The following GABBR2 variants were observed in gnomAD, a reference collection of about 807,000 sequenced individuals.
GABBR2 encodes gamma-aminobutyric acid type B receptor subunit 2, also known as G-protein coupled receptor 51.
Under a neutral mutation model 105.6 loss-of-function variants are expected in GABBR2, and 23 were observed. That is an observed-to-expected ratio of 0.22 (90% confidence interval 0.16 to 0.31). The LOEUF (loss-of-function observed/expected upper bound fraction) is 0.31. Among genes scored for constraint, GABBR2 ranks in the 10% least tolerant of loss-of-function variants. The probability of loss-of-function intolerance (pLI) is 1.00; values close to 1 mark genes in which losing one functional copy is unlikely to be tolerated. For synonymous variants in GABBR2, 478 were observed against 499.7 expected, an observed-to-expected ratio of 0.96 and a Z score of 0.58; for missense variants, 734 against 1,245.5, an observed-to-expected ratio of 0.59 and a Z score of 6.18.
chr9:98,707,300 C>T (rs1300581998), intron 1 of GABBR2: 2 of 152,400 alleles, frequency 1.3e-5, no homozygotes, highest in Non-Finnish European at 2.9e-5. Flanking sequence ...AAGCCCAGCG[C>T]CTCGGCCCCG....
intron 18 of GABBR2, among the ~76,000 whole-genome samples, chr9:98,293,336 A>G (rs142369427): frequency 2.8e-4 from 42 of 152,262 alleles, no homozygotes; most frequent in African/African-American, 8.9e-4. Context: ...TTGCTTTTTA[A>G]TTAAGCTATC....
chr9:98,447,531 GTA>G (rs1187487204), intron 7 of GABBR2, among the ~76,000 whole-genome samples: 1 of 89,362 alleles, frequency 1.1e-5, no homozygotes, highest in African/African-American at 3.8e-5. Context: ...TATGTAACTA[GTA>G]TGTATGTGTG....
intron 7 of GABBR2, among the ~76,000 whole-genome samples, chr9:98,445,996 A>G (rs1013355702): frequency 6.6e-6 from 1 of 152,190 alleles, no homozygotes; most frequent in African/African-American, 2.4e-5. Context: ...TGCCTTCCAC[A>G]TTAAGGTAAC....
At chr9:98,344,762 A>C (rs1831275856) in intron 13 of GABBR2, among the ~76,000 whole-genome samples, 2 of 151,814 alleles carry the variant, frequency 1.3e-5, no homozygotes, top group Non-Finnish European at 2.9e-5. Flanking sequence ...GGACTTCTTC[A>C]CTTCTCACTG....
intron 3 of GABBR2, among the ~76,000 whole-genome samples, chr9:98,519,540 G>T (rs1272274686): frequency 6.6e-6 from 1 of 152,248 alleles, no homozygotes; most frequent in Non-Finnish European, 1.5e-5. Context: ...GGGCATGGGT[G>T]TAAACCCAAA....
Position 98,289,315 on chromosome 9 carries a change from A to T in GABBR2, c.*1269T>A, listed in dbSNP as rs559561006. On this transcript the variant is annotated 3_prime_UTR_variant, in exon 19 of 19. Transcript: ENST00000259455. ...AGTTACAGAGGGGAAACTGAGGCTC[A>T]GAGAGACACTAGTGACCTGATCAAA... 8.5e-5 allele frequency: 13 copies of T among 152,586 alleles called. No homozygotes were observed. The South Asian group carries it at 2.1e-3, about 24-fold the overall frequency. The allele number at this position is 152,586 out of a possible 1,614,324, so 9.5% of individuals were successfully genotyped here. A position where few individuals can be genotyped will look rare whatever the true frequency, so the allele number is the denominator to read the frequency against.
chr9:98,556,315 C>G (rs577155869), intron 2 of GABBR2, among the ~76,000 whole-genome samples: 1 of 152,100 alleles, frequency 6.6e-6, no homozygotes, highest in African/African-American at 2.4e-5. Flanking sequence ...AGTCACTGGG[C>G]ACCTCACAGC....
chr9:98,323,763 C>T (rs1830867440), intron 13 of GABBR2, among the ~76,000 whole-genome samples: 1 of 152,224 alleles, frequency 6.6e-6, no homozygotes. Context: ...TCTCACAGGG[C>T]TCTGCTGAGA....
chr9:98,569,920 A>G (rs929229394), intron 2 of GABBR2, among the ~76,000 whole-genome samples: 3 of 152,266 alleles, frequency 2.0e-5, no homozygotes, highest in African/African-American at 7.2e-5. Context: ...TTCTGTTCCT[A>G]TGAAACAAAA....
rs570988190 is a variant in GABBR2 at position 98,305,705 on chromosome 9, C to T, written c.2229+416G>A. On this transcript the variant is annotated intron_variant, in intron 15 of 18. Coordinates refer to ENST00000259455, the MANE Select transcript of GABBR2 (RefSeq NM_005458.8). The stretch of plus-strand genomic sequence containing the variant: ...TGGTGCAAGCCTGTAGTCCCAGCTA[C>T]TTGGTAGGTTGAGGCAGGAGAATTG... 7.6e-4 allele frequency among the ~76,000 whole-genome samples: 115 copies of T among 151,910 alleles called. 1 individual carries two copies. Among genetic ancestry groups the T allele is most frequent in the African/African-American group, 2.6e-3 (107 of 41,370 alleles).
intron 13 of GABBR2, among the ~76,000 whole-genome samples, chr9:98,352,382 T>G (rs545471377): frequency 6.6e-6 from 1 of 152,170 alleles, no homozygotes; most frequent in African/African-American, 2.4e-5. Context: ...AGGTGGCTGG[T>G]CAGTCCTAAG....
chr9:98,556,517 A>C (rs1828585907), intron 2 of GABBR2, among the ~76,000 whole-genome samples: 1 of 152,108 alleles, frequency 6.6e-6, no homozygotes, highest in African/African-American at 2.4e-5. Flanking sequence ...TCCCAGAACG[A>C]GAAGTTTTAT....
rs574771107 is a variant in GABBR2 at position 98,492,349 on chromosome 9, T to TAAAAAAAAAAAAAAAAAAAAAAAAAAAA, written c.732+4036_732+4063dup. Among the ~76,000 whole-genome samples, 37 of 29,214 alleles carry TAAAAAAAAAAAAAAAAAAAAAAAAAAAA rather than the reference T, an allele frequency of 1.3e-3. 10 individuals carry two copies. The highest frequency in any genetic ancestry group is 2.0e-3 in the Non-Finnish European group (23 of 11,652). The allele number at this position is 29,214 out of a possible 152,430, so 19.2% of individuals were successfully genotyped here. On this transcript the variant is annotated intron_variant, in intron 4 of 18. Coordinates refer to ENST00000259455, the MANE Select transcript of GABBR2 (RefSeq NM_005458.8). ...GAGCCCGCTTAAGTTTGTTTCCTAG[T>TAAAAAAAAAAAAAAAAAAAAAAAAAAAA]AAAAAAAAAAAAAAAAAAAAAAAAA...
chr9:98,326,089 G>A (rs141403716), intron 13 of GABBR2, among the ~76,000 whole-genome samples: 1 of 152,280 alleles, frequency 6.6e-6, no homozygotes, highest in African/African-American at 2.4e-5. Flanking sequence ...ATGATCTCAC[G>A]ACAAGTAATT....
intron 7 of GABBR2, among the ~76,000 whole-genome samples, chr9:98,452,023 C>G (rs1483439260): frequency 2.0e-5 from 3 of 152,218 alleles, no homozygotes; most frequent in African/African-American, 7.2e-5. Flanking sequence ...CCCACAGTGC[C>G]AAGCACTTTT....
intron 7 of GABBR2, among the ~76,000 whole-genome samples, chr9:98,444,169 C>T (rs982671202): frequency 6.6e-6 from 1 of 152,190 alleles, no homozygotes; most frequent in Non-Finnish European, 1.5e-5. Context: ...ATTTATCAGG[C>T]ACCTACTATG....
intron 1 of GABBR2, among the ~76,000 whole-genome samples, chr9:98,668,367 A>C (rs1300680981): frequency 6.6e-6 from 1 of 152,210 alleles, no homozygotes; most frequent in Non-Finnish European, 1.5e-5. Flanking sequence ...TCCAATGGTT[A>C]TATCAGTAGC....
intron 1 of GABBR2, among the ~76,000 whole-genome samples, chr9:98,615,670 AC>A (rs2131817343): frequency 6.6e-6 from 1 of 151,814 alleles, no homozygotes; most frequent in South Asian, 2.1e-4. Flanking sequence ...ATCGGTGTCG[AC>A]CCCCTGCTCT....
chr9:98,317,714 T>C (rs761623444), intron 13 of GABBR2, among the ~76,000 whole-genome samples: 17 of 152,222 alleles, frequency 1.1e-4, no homozygotes, highest in Non-Finnish European at 2.5e-4. Context: ...GTGCCTGCTG[T>C]GTGTCATGCA....
Sources: allele counts gnomAD v4.1 joint callset (sites outside exome capture counted in the v4.1 genomes callset), GRCh38; gene constraint gnomAD v4.1.1; transcripts MANE v1.5; gene names NCBI Gene and HGNC (gene_info 2026-07-23, HGNC 2026-07-21).